The following BCAT2 variants were observed in gnomAD, a reference collection of about 807,000 sequenced individuals.
The protein encoded by BCAT2 is branched chain amino acid transaminase 2, also known as branched-chain-amino-acid aminotransferase, mitochondrial.
In BCAT2, 44 loss-of-function variants were observed where a neutral mutation model predicts 52.9. That is an observed-to-expected ratio of 0.83 (90% CI 0.65 to 1.07). BCAT2 has a LOEUF of 1.07. Among genes scored for constraint, BCAT2 ranks in the 50% least tolerant of loss-of-function variants. The probability of loss-of-function intolerance (pLI) is 0.00; values close to 1 mark genes in which losing one functional copy is unlikely to be tolerated. For synonymous variants in BCAT2, 215 were observed against 217.1 expected, an observed-to-expected ratio of 0.99 and a Z score of 0.08; for missense variants, 478 against 521.8, an observed-to-expected ratio of 0.92 and a Z score of 0.82.
chr19:48,801,680 T>C (rs796182757), intron 3 of BCAT2, among the ~76,000 whole-genome samples: 1 of 152,094 alleles, frequency 6.6e-6, no homozygotes, highest in Non-Finnish European at 1.5e-5. Context: ...TCTCACTCTG[T>C]TGCCCAGGCT....
At chr19:48,797,967 C>T (rs956684309) in intron 6 of BCAT2, among the ~76,000 whole-genome samples, 2 of 151,626 alleles carry the variant, frequency 1.3e-5, no homozygotes, top group African/African-American at 4.8e-5. Flanking sequence ...CTGGGGCATG[C>T]AGCACCATGT....
At chr19:48,800,338 A>G in intron 3 of BCAT2, 41 bp from the exon 4 acceptor site, 1 of 1,568,146 alleles carries the variant, frequency 6.4e-7, no homozygotes, top group Non-Finnish European at 8.7e-7. Context: ...AGACTTCTCC[A>G]GACAGTCATG....
At chr19:48,808,374 G>T in intron 1 of BCAT2, 30 of 482,896 alleles carry the variant, frequency 6.2e-5, no homozygotes, top group South Asian at 9.0e-5. Flanking sequence ...ATGAGAAAAA[G>T]AAACACAGAA....
At position 48,800,313 on chromosome 19, in the gene BCAT2, G is replaced by C; in HGVS notation, c.301-16C>G. On this transcript the variant is annotated splice_polypyrimidine_tract_variant and intron_variant, in intron 3 of 10. Coordinates refer to ENST00000316273, the MANE Select transcript of BCAT2 (RefSeq NM_001190.4). ...CCTCAAACAGCTGCGGGGACACGCG[G>C]GTGGGGAGGCTCAGAGACTTCTCCA... The C allele has an allele frequency of 6.2e-7, 1 of 1,610,764 alleles. No individual in the cohort carries two copies.
In BCAT2 at chr19:48,810,974, G is replaced by A. The variant is rs760647702; in HGVS notation, c.24+10C>T. The A allele has an allele frequency of 1.9e-6, 3 of 1,608,008 alleles. No individual in the cohort carries two copies. The highest frequency in any genetic ancestry group is 2.5e-6 in the Non-Finnish European group (3 of 1,178,006). On this transcript the variant is annotated intron_variant, in intron 1 of 10. Transcript: ENST00000316273. ...ATTTCCCAGACCCCGGCGCGGGGCT[G>A]CGAACCCACCTGCCCCAGAGCGGCT...
At chr19:48,796,828 C>A in intron 8 of BCAT2, 109 bp downstream of exon 8, 2 of 1,592,956 alleles carry the variant, frequency 1.3e-6, no homozygotes, top group Non-Finnish European at 1.7e-6. Flanking sequence ...ACGGGAGAGA[C>A]AGACCCAGGA....
At chr19:48,808,522 C>T (rs1316191582) in intron 1 of BCAT2, among the ~76,000 whole-genome samples, 1 of 152,040 alleles carries the variant, frequency 6.6e-6, no homozygotes, top group Non-Finnish European at 1.5e-5. Flanking sequence ...TGTGGGAGGC[C>T]GAGGCAGGAG....
intron 3 of BCAT2, among the ~76,000 whole-genome samples, chr19:48,804,393 A>G (rs1373041220): frequency 6.6e-6 from 1 of 151,086 alleles, no homozygotes; most frequent in African/African-American, 2.4e-5. Context: ...AAAATACAAA[A>G]ATTAGCCGGG....
Position 48,797,253 on chromosome 19 carries a change from T to A in BCAT2, c.776A>T (p.Asp259Val). 1 of 1,613,928 alleles carries A rather than the reference T, an allele frequency of 6.2e-7. No individual in the cohort carries two copies. Among genetic ancestry groups the A allele is most frequent in the East Asian group, 2.2e-5 (1 of 44,870 alleles). Reference sequence around the variant, plus strand: ...GGTTCCCACCTCGGTGAGCTGGTGGTCGGGCCCATACAGCCAGAGGACCTG... The same window carrying A: ...GGTTCCCACCTCGGTGAGCTGGTGGACGGGCCCATACAGCCAGAGGACCTG... ...CEQVLWLYGP[D>V]HQLTEVGTMN... is the part of the protein sequence containing the mutation. Residue 259 changes from aspartate to valine, a missense_variant, in exon 7 of 11, where the codon GAC becomes GTC. Physicochemically the swap from Asp to Val is radical, Grantham distance 152. Coordinates refer to ENST00000316273, the MANE Select transcript of BCAT2 (RefSeq NM_001190.4).
chr19:48,803,695 TAATA>T (rs1343606414), intron 3 of BCAT2, among the ~76,000 whole-genome samples: 1 of 151,834 alleles, frequency 6.6e-6, no homozygotes, highest in South Asian at 2.1e-4. Flanking sequence ...TATTTAAAGA[TAATA>T]AATAAACAAA....
rs200449924 is a variant in BCAT2 at position 48,806,499 on chromosome 19, G to A, written c.300+18C>T. On this transcript the variant is annotated intron_variant, in intron 3 of 10. Coordinates refer to ENST00000316273, the MANE Select transcript of BCAT2 (RefSeq NM_001190.4). ...AGATGCAGACAGGGACAGGGAGAGAGGCCGGCCGCCATGCCACCTGCAGGG... is the reference window on the plus strand; with the variant it reads ...AGATGCAGACAGGGACAGGGAGAGAAGCCGGCCGCCATGCCACCTGCAGGG... 53 of 1,613,130 alleles carry A rather than the reference G, an allele frequency of 3.3e-5. No individual in the cohort carries two copies. The highest frequency in any genetic ancestry group is 1.8e-4 in the Middle Eastern group (1 of 5,498).
In BCAT2 at chr19:48,800,081, A is replaced by C. The variant is rs757816489; in HGVS notation, c.431T>G (p.Leu144Trp). The change falls in exon 5 of 11, where the codon TTG (leucine) becomes TGG (tryptophan). Residue 144 changes from leucine to tryptophan, a missense_variant. Leu to Trp is a moderately conservative substitution (Grantham distance 61, BLOSUM62 -2). Transcript: ENST00000316273. The stretch of plus-strand genomic sequence containing the variant: ...GATGAGCCGGCGGATGCACTCCAGC[A>C]ACTCCAGCTTGTCGAAACTCTGGGT... ...LCLPSFDKLE[L>W]LECIRRLIEV... is the part of the protein sequence containing the mutation. 1.2e-6 allele frequency: 2 copies of C among 1,614,034 alleles called. No individual in the cohort carries two copies. Among genetic ancestry groups the C allele is most frequent in the East Asian group, 2.2e-5 (1 of 44,870 alleles).
At chr19:48,808,991 C>T (rs947551847) in intron 1 of BCAT2, among the ~76,000 whole-genome samples, 1 of 134,430 alleles carries the variant, frequency 7.4e-6, no homozygotes, top group Non-Finnish European at 1.5e-5. Context: ...GGAGGATCAC[C>T]TTGACCTACT....
At chr19:48,810,784 T>A in intron 1 of BCAT2, 200 bp downstream of exon 1, 94 of 903,210 alleles carry the variant, frequency 1.0e-4, no homozygotes, top group East Asian at 1.8e-4. Flanking sequence ...CCCCACCTCA[T>A]CCGCGTCTAC....
chr19:48,806,519 G>T lies in BCAT2; in HGVS notation c.298C>A (p.Gln100Lys). 3.1e-6 allele frequency: 5 copies of T among 1,613,842 alleles called. No homozygotes were observed. The highest frequency in any genetic ancestry group is 4.2e-6 in the Non-Finnish European group (5 of 1,180,000). The change falls in exon 3 of 11, where the codon CAG becomes AAG. Residue 100 changes from glutamine (Q) to lysine (K), a missense_variant and splice_region_variant. Transcript: ENST00000316273. ...AGAGAGGCCGGCCGCCATGCCACCT[G>T]CAGGGAGTAGTGGAGGCTGGAGGAG... ...PASSSLHYSL[Q>K]LFEGMKAFKG...
chr19:48,807,448 C>A lies in BCAT2; in HGVS notation c.25-374G>T, dbSNP rs2034815838. ...CAAGTGCTGACAGGCCTTAGAAGAC[C>A]AAGGACCGACAGGTCCTGCTCCCCC... On this transcript the variant is annotated intron_variant, in intron 1 of 10. Coordinates refer to ENST00000316273, the MANE Select transcript of BCAT2 (RefSeq NM_001190.4). This position sits in a 1 kb window ranked among gnomAD's most constrained non-coding sequence, Gnocchi z 4.6. 4 of 197,512 alleles carry A rather than the reference C, an allele frequency of 2.0e-5. No homozygotes were observed. The South Asian group carries it at 3.2e-4, about 16-fold the overall frequency. The allele number at this position is 197,512 out of a possible 1,614,324, so 12.2% of individuals were successfully genotyped here. A position where few individuals can be genotyped will look rare whatever the true frequency, so the allele number is the denominator to read the frequency against.
At chr19:48,810,535 T>C (rs2034895640) in intron 1 of BCAT2, among the ~76,000 whole-genome samples, 1 of 151,810 alleles carries the variant, frequency 6.6e-6, no homozygotes, top group African/African-American at 2.4e-5. Context: ...TCCAAGAAAA[T>C]AGGACCTTGA....
Position 48,799,577 on chromosome 19 carries a change from A to G in BCAT2, c.695+98T>C. Reference sequence around the variant, plus strand: ...GCACGGTGCTGATGATGTCACCTTCATGTGACATCCAGAGGCATGGCCGAA... The same window carrying G: ...GCACGGTGCTGATGATGTCACCTTCGTGTGACATCCAGAGGCATGGCCGAA... On this transcript the variant is annotated intron_variant, in intron 6 of 10. Coordinates refer to ENST00000316273, the MANE Select transcript of BCAT2 (RefSeq NM_001190.4). This position sits in a 1 kb window ranked among gnomAD's most constrained non-coding sequence, Gnocchi z 5.5. The G allele has an allele frequency of 7.1e-7, 1 of 1,400,022 alleles. No individual in the cohort carries two copies. Among genetic ancestry groups the G allele is most frequent in the South Asian group, 1.5e-5 (1 of 64,832 alleles). The allele number at this position is 1,400,022 out of a possible 1,614,324, so 86.7% of individuals were successfully genotyped here.
At position 48,796,940 on chromosome 19, in the gene BCAT2, G is replaced by C; in HGVS notation, c.921C>G (p.Thr307=). 1.9e-6 allele frequency: 3 copies of C among 1,614,168 alleles called. No homozygotes were observed. Among genetic ancestry groups the C allele is most frequent in the Non-Finnish European group, 2.5e-6 (3 of 1,180,000 alleles). Residue 307 remains threonine, a synonymous_variant, in exon 8 of 11, where the codon ACC becomes ACG. Transcript: ENST00000316273. ...VRQSLLDMAQ[T]WGEFRVVERT... Reference sequence around the variant, plus strand: ...CCAGAAGATGCCATGTCCTCACCCAGGTCTGAGCCATGTCCAGTAGACTCT... The same window carrying C: ...CCAGAAGATGCCATGTCCTCACCCACGTCTGAGCCATGTCCAGTAGACTCT...
Sources: gnomAD v4.1 joint callset for allele counts (sites outside exome capture counted in the v4.1 genomes callset) on GRCh38, gnomAD v4.1.1 for gene constraint, Gnocchi (gnomAD v3.1) non-coding constraint, MANE v1.5 for transcripts, NCBI Gene and HGNC (gene_info 2026-07-23, HGNC 2026-07-21) for gene names.